Variants in TMEM201 observed in about 807,000 individuals in gnomAD.
TMEM201 encodes the protein RP13-15M17.2.
A neutral mutation model predicts 63.4 loss-of-function variants in TMEM201; 26 were observed. The ratio of observed to expected loss-of-function variants is 0.41; its 90% CI spans 0.30 to 0.57. The LOEUF (loss-of-function observed/expected upper bound fraction) is 0.57, where lower values mean the gene tolerates loss of function less well. Ranked by LOEUF, TMEM201 falls within the 20% of genes least tolerant of loss-of-function variation. The probability of loss-of-function intolerance (pLI) is 0.29; values close to 1 mark genes in which losing one functional copy is unlikely to be tolerated. For synonymous variants in TMEM201, 417 were observed against 421.6 expected (o/e 0.99, Z 0.14); for missense variants, 794 against 917.7 (o/e 0.87, Z 1.74).
In TMEM201 at chr1:9,592,683, G is replaced by A. The variant is rs115849843; in HGVS notation, c.114-3207G>A. 2.8e-4 allele frequency among the ~76,000 whole-genome samples: 10 copies of A among 36,060 alleles called. No individual in the cohort carries two copies. In the South Asian group the frequency reaches 3.2e-3, roughly 12 times the overall value. 23.7% of individuals were successfully genotyped at this position (36,060 alleles called of 152,430 possible). ...GGAGTGGTGTCATCATTAAGGACAC[G>A]TGCCCGTCTTGTTTTCCCTCAGTGT... is the stretch of plus-strand genomic sequence containing the variant. On this transcript the variant is annotated intron_variant, in intron 1 of 10. Coordinates refer to ENST00000340381, the MANE Select transcript of TMEM201 (RefSeq NM_001130924.3).
chr1:9,611,698 C>A, intron 9 of TMEM201, 55 bp from the exon 10 acceptor site: 1 of 1,549,570 alleles, frequency 6.5e-7, no homozygotes, highest in Non-Finnish European at 8.7e-7. Context: ...TGCCCCGCGT[C>A]TGTCCCTGGA....
chr1:9,596,789 C>G lies in TMEM201; in HGVS notation c.235-70C>G, dbSNP rs757519420. 172 of 1,502,048 alleles carry G rather than the reference C, an allele frequency of 1.1e-4. 1 individual carries two copies. The highest frequency in any genetic ancestry group is 7.1e-4 in the Middle Eastern group (4 of 5,636). 93.0% of individuals were successfully genotyped at this position (1,502,048 alleles called of 1,614,324 possible). ...CACTTGCCTGGAGCGGGGCGGGCCC[C>G]CAGGGACATCACCAAGCCTGAGCCA... On this transcript the variant is annotated intron_variant, in intron 2 of 10. Transcript: ENST00000340381.
At position 9,604,281 on chromosome 1, in the gene TMEM201, G is replaced by A. The variant is rs1282714147; in HGVS notation, c.1160+2009G>A. 3.0e-6 allele frequency: 3 copies of A among 985,292 alleles called. No individual in the cohort carries two copies. Among genetic ancestry groups the A allele is most frequent in the East Asian group, 1.1e-4 (1 of 8,822 alleles). The allele number at this position is 985,292 out of a possible 1,614,324, so 61.0% of individuals were successfully genotyped here. A position where few individuals can be genotyped will look rare whatever the true frequency, so the allele number is the denominator to read the frequency against. On this transcript the variant is annotated intron_variant, in intron 6 of 10. Coordinates refer to ENST00000340381, the MANE Select transcript of TMEM201 (RefSeq NM_001130924.3). The surrounding 1 kb of genome is among the most constrained non-coding windows in gnomAD (Gnocchi z 4.1). The stretch of plus-strand genomic sequence containing the variant: ...ATAACCAGAGCCAGCCCTCGCGCTG[G>A]CCAGGATCCTCCTGCCGAGCTGATG...
intron 7 of TMEM201, among the ~76,000 whole-genome samples, chr1:9,609,281 G>C (rs1644288284): frequency 6.6e-6 from 1 of 152,356 alleles, no homozygotes; most frequent in African/African-American, 2.4e-5. Context: ...CAGGACATGA[G>C]GCAGTCCCTG....
chr1:9,596,906 G>A lies in TMEM201; in HGVS notation c.282G>A (p.Leu94=), dbSNP rs1278473197. ...KPIPAQYLEH[L]NHVVSSAPSL... Reference sequence around the variant, plus strand: ...TCCCCGCCCAGTACTTGGAGCACCTGAACCACGTGGTGAGCAGCGCGCCCA... The same window carrying A: ...TCCCCGCCCAGTACTTGGAGCACCTAAACCACGTGGTGAGCAGCGCGCCCA... The change falls in exon 3 of 11, where the codon CTG becomes CTA. Residue 94 remains leucine (L), a synonymous_variant. Coordinates refer to ENST00000340381, the MANE Select transcript of TMEM201 (RefSeq NM_001130924.3). 6.2e-6 allele frequency: 10 copies of A among 1,610,020 alleles called. No homozygotes were observed. The highest frequency in any genetic ancestry group is 8.5e-6 in the Non-Finnish European group (10 of 1,177,392).
chr1:9,612,209 C>T (rs572174055), intron 10 of TMEM201, among the ~76,000 whole-genome samples: 1 of 152,376 alleles, frequency 6.6e-6, no homozygotes, highest in South Asian at 2.1e-4. Flanking sequence ...ATTTCAAGTG[C>T]TCAGTAGGCA....
chr1:9,602,557 A>G, intron 6 of TMEM201: 1 of 1,342,022 alleles, frequency 7.5e-7, no homozygotes. Context: ...TGGCCTGGTG[A>G]CTGGAATGTG....
At chr1:9,589,119 GC>G (rs999668811) in intron 1 of TMEM201, 76 bp downstream of exon 1, 3 of 670,184 alleles carry the variant, frequency 4.5e-6, no homozygotes, top group Admixed American at 1.3e-4. Context: ...CCGGCCCGCT[GC>G]CCCCCTCGGC....
Position 9,602,253 on chromosome 1 carries a change from C to T in TMEM201, c.1141C>T (p.Arg381Trp), listed in dbSNP as rs139498582. ...GGCCACAAGGAAGGCAACGGGCCCA[C>T]GGAGGTTCCGGCCCCGAAGGTCAGA... Reference protein sequence around the residue: ...AVATRKATGPRRFRPRRFFPG... With the variant: ...AVATRKATGPWRFRPRRFFPG... Residue 381 changes from arginine (R) to tryptophan (W), a missense_variant, in exon 6 of 11, where the codon CGG (arginine) becomes TGG (tryptophan). Arg to Trp is a moderately radical substitution (Grantham distance 101). Coordinates refer to ENST00000340381, the MANE Select transcript of TMEM201 (RefSeq NM_001130924.3). The T allele has an allele frequency of 5.3e-5, 86 of 1,611,420 alleles. No individual in the cohort carries two copies. Among genetic ancestry groups the T allele is most frequent in the South Asian group, 2.6e-4 (24 of 91,006 alleles).
At chr1:9,589,161 G>A (rs1439954901) in intron 1 of TMEM201, 118 bp downstream of exon 1, 1 of 265,070 alleles carries the variant, frequency 3.8e-6, no homozygotes, top group Non-Finnish European at 5.8e-6. Context: ...GGCGCGCGGA[G>A]ACCCCCGGCG....
At chr1:9,599,981 T>C (rs1025884139) in intron 4 of TMEM201, among the ~76,000 whole-genome samples, 3 of 152,174 alleles carry the variant, frequency 2.0e-5, no homozygotes, top group African/African-American at 7.2e-5. Flanking sequence ...TAGTAAGTTA[T>C]TCAGACCAGG....
At chr1:9,609,208 G>A (rs573032506) in intron 7 of TMEM201, among the ~76,000 whole-genome samples, 3 of 152,294 alleles carry the variant, frequency 2.0e-5, no homozygotes, top group Admixed American at 6.5e-5. Context: ...CCTATCCCCT[G>A]GCCTGGTGAG....
intron 4 of TMEM201, among the ~76,000 whole-genome samples, 190 bp downstream of exon 4, chr1:9,598,815 A>G (rs1478187583): frequency 6.6e-6 from 1 of 151,582 alleles, no homozygotes; most frequent in Non-Finnish European, 1.5e-5. Flanking sequence ...ACGCCTGGCT[A>G]ATTTTGTATT....
At chr1:9,612,389 G>A (rs986660824) in intron 10 of TMEM201, among the ~76,000 whole-genome samples, 1 of 152,222 alleles carries the variant, frequency 6.6e-6, no homozygotes, top group African/African-American at 2.4e-5. Flanking sequence ...TAACCCTGGG[G>A]CTCAGGGGCA....
chr1:9,606,420 CG>C (rs1450383093), intron 6 of TMEM201: 4 of 152,248 alleles, frequency 2.6e-5, no homozygotes, highest in African/African-American at 9.6e-5. Flanking sequence ...CATGATTCTC[CG>C]GGAAGTCAAG....
chr1:9,601,124 A>G lies in TMEM201; in HGVS notation c.626A>G (p.Lys209Arg). 1.3e-6 allele frequency: 2 copies of G among 1,591,200 alleles called. No homozygotes were observed. The highest frequency in any genetic ancestry group is 2.2e-5 in the South Asian group (2 of 90,014). Residue 209 changes from lysine to arginine, a missense_variant, in exon 5 of 11, where the codon AAG becomes AGG. Lys to Arg is a conservative substitution (Grantham distance 26). Transcript: ENST00000340381. ...TTGCAGAACTTCTCCTCCGCCGTGA[A>G]GTCCCCGGTCCAGGTCATCCTGCTC... Reference protein sequence around the residue: ...THAQNFSSAVKSPVQVILLRA... With the variant: ...THAQNFSSAVRSPVQVILLRA...
chr1:9,598,993 G>A lies in TMEM201; in HGVS notation c.606+368G>A, dbSNP rs533610732. The stretch of plus-strand genomic sequence containing the variant: ...GTCTTGCTCTGTCACCCAGGCTGGA[G>A]TGCAGTGGCACGATCTCGGCTCACT... On this transcript the variant is annotated intron_variant, in intron 4 of 10. Coordinates refer to ENST00000340381, the MANE Select transcript of TMEM201 (RefSeq NM_001130924.3). Among the ~76,000 whole-genome samples, 4 of 151,668 alleles carry A rather than the reference G, an allele frequency of 2.6e-5. No individual in the cohort carries two copies. In the South Asian group the frequency reaches 8.3e-4, roughly 32 times the overall value.
rs995666992 is a variant in TMEM201, at chr1:9,603,172, C to G, written c.1160+900C>G. On this transcript the variant is annotated intron_variant, in intron 6 of 10. Coordinates refer to ENST00000340381, the MANE Select transcript of TMEM201 (RefSeq NM_001130924.3). The surrounding 1 kb of genome is among the most constrained non-coding windows in gnomAD (Gnocchi z 4.5). ...CAGGTGCCTGCTCACCATGGCCCAGCGCCACTCTGTCCTCCGACTCAGGTG... is the reference window on the plus strand; with the variant it reads ...CAGGTGCCTGCTCACCATGGCCCAGGGCCACTCTGTCCTCCGACTCAGGTG... 1 of 985,508 alleles carries G rather than the reference C, an allele frequency of 1.0e-6. No homozygotes were observed. The highest frequency in any genetic ancestry group is 6.1e-5 in the Admixed American group (1 of 16,268). 61.0% of individuals were successfully genotyped at this position (985,508 alleles called of 1,614,324 possible). A position where few individuals can be genotyped will look rare whatever the true frequency, so the allele number is the denominator to read the frequency against.
chr1:9,605,531 G>A lies in TMEM201; in HGVS notation c.1161-2026G>A, dbSNP rs1644226889. Among the ~76,000 whole-genome samples the A allele has an allele frequency of 6.6e-6, 1 of 152,198 alleles. No homozygotes were observed. The highest frequency in any genetic ancestry group is 1.5e-5 in the Non-Finnish European group (1 of 68,024). ...TCCAACAGATTGGGCTCCTTTAGCT[G>A]GCGGAGGCTCGCTGGGGCGCCTGTA... On this transcript the variant is annotated intron_variant, in intron 6 of 10. Transcript: ENST00000340381. This position sits in a 1 kb window ranked among gnomAD's most constrained non-coding sequence, Gnocchi z 5.7.
Sources: gnomAD v4.1 joint callset for allele counts (sites outside exome capture counted in the v4.1 genomes callset) on GRCh38, gnomAD v4.1.1 for gene constraint, Gnocchi (gnomAD v3.1) non-coding constraint, MANE v1.5 for transcripts, NCBI Gene and HGNC (gene_info 2026-07-23, HGNC 2026-07-21) for gene names.